The following CD226 variants were observed in gnomAD, a reference collection of about 807,000 sequenced individuals.
CD226 encodes the protein CD226 antigen.
In CD226, 24 loss-of-function variants were observed where a neutral mutation model predicts 34.9. That is an observed-to-expected ratio of 0.69 (90% CI 0.50 to 0.97). The LOEUF (loss-of-function observed/expected upper bound fraction) is 0.97, where lower values mean the gene tolerates loss of function less well. Ranked by LOEUF, CD226 falls within the 50% of genes least tolerant of loss-of-function variation. The pLI is 0.00. For missense variants in CD226, 397 were observed against 412.7 expected (o/e 0.96, Z 0.33); for synonymous variants, 148 against 147.4 (o/e 1.00, Z -0.03).
At chr18:69,954,988 T>C (rs1410378508) in intron 1 of CD226, among the ~76,000 whole-genome samples, 3 of 152,178 alleles carry the variant, frequency 2.0e-5, no homozygotes, top group Non-Finnish European at 4.4e-5. Flanking sequence ...TAAAAGAGCT[T>C]TGTCCTCAAG....
At chr18:69,957,161 C>G (rs980994122), upstream of CD226, 3 of 152,182 alleles carry the variant, frequency 2.0e-5, no homozygotes, top group East Asian at 5.8e-4. Context: ...AAAGGACGCA[C>G]TTCTCCTTTG....
At chr18:69,905,401 G>A (rs1291384054) in intron 2 of CD226, among the ~76,000 whole-genome samples, 3 of 152,168 alleles carry the variant, frequency 2.0e-5, no homozygotes, top group Non-Finnish European at 4.4e-5. Flanking sequence ...TGTTTTCCAA[G>A]TAGAAAGCAA....
chr18:69,947,208 G>T, intron 1 of CD226, 139 bp from the exon 2 acceptor site: 1 of 908,872 alleles, frequency 1.1e-6, no homozygotes, highest in Non-Finnish European at 1.7e-6. Flanking sequence ...AAGGCGTCCT[G>T]CTGATAATTG....
intron 2 of CD226, among the ~76,000 whole-genome samples, chr18:69,923,733 C>G (rs1434074214): frequency 6.6e-6 from 1 of 152,018 alleles, no homozygotes; most frequent in African/African-American, 2.4e-5. Flanking sequence ...GCGGGCGGAT[C>G]ACGAGGTCAG....
rs77044561 is a variant in CD226, at chr18:69,891,491, T to C, written c.727+4210A>G. 6.2e-3 allele frequency among the ~76,000 whole-genome samples: 942 copies of C among 152,170 alleles called. 32 individuals are homozygous for C. In the East Asian group the frequency reaches 0.093, roughly 15 times the overall value. On this transcript the variant is annotated intron_variant, in intron 3 of 5. Transcript: ENST00000582621. The stretch of plus-strand genomic sequence containing the variant: ...TACAAGAAGTCTTAATCAGAGCCAT[T>C]AAACAAGAAAAAGAAAACAAAAGGC...
intron 2 of CD226, among the ~76,000 whole-genome samples, chr18:69,941,441 G>A (rs976285741): frequency 6.6e-6 from 1 of 152,240 alleles, no homozygotes; most frequent in African/African-American, 2.4e-5. Flanking sequence ...GGGTGGAGCT[G>A]CCCAAGACCA....
Position 69,924,145 on chromosome 18 carries a change from T to C in CD226, c.382+22589A>G, listed in dbSNP as rs368586228. On this transcript the variant is annotated intron_variant, in intron 2 of 5. Transcript: ENST00000582621. ...ACCATAGACCACCGAGCCAACGTCA[T>C]AGAAGAAAATATTATGCAAAATGAG... 6.7e-4 allele frequency among the ~76,000 whole-genome samples: 101 copies of C among 151,508 alleles called. 1 individual carries two copies. The highest frequency in any genetic ancestry group is 2.4e-3 in the African/African-American group (101 of 41,266).
At chr18:69,913,699 C>A (rs1174068805) in intron 2 of CD226, among the ~76,000 whole-genome samples, 1 of 152,160 alleles carries the variant, frequency 6.6e-6, no homozygotes, top group Non-Finnish European at 1.5e-5. Flanking sequence ...GGAGAAGTCT[C>A]TGCAGGATGG....
At chr18:69,912,008 T>C (rs2055331822) in intron 2 of CD226, among the ~76,000 whole-genome samples, 1 of 152,192 alleles carries the variant, frequency 6.6e-6, no homozygotes, top group Admixed American at 6.5e-5. Flanking sequence ...TGTTTCTTTC[T>C]TTTTTTATTA....
At chr18:69,910,209 A>G (rs2055306939) in intron 2 of CD226, among the ~76,000 whole-genome samples, 1 of 152,236 alleles carries the variant, frequency 6.6e-6, no homozygotes, top group Non-Finnish European at 1.5e-5. Context: ...GAGGATGGGC[A>G]CACCTTGGAG....
At chr18:69,884,918 T>C (rs1984473149) in intron 3 of CD226, among the ~76,000 whole-genome samples, 1 of 152,332 alleles carries the variant, frequency 6.6e-6, no homozygotes, top group South Asian at 2.1e-4. Flanking sequence ...TCTTAGGAGG[T>C]TGCCTGTGAC....
In CD226 at chr18:69,918,498, C is replaced by T. The variant is rs190983053; in HGVS notation, c.383-22453G>A. Among the ~76,000 whole-genome samples the T allele has an allele frequency of 3.3e-5, 5 of 152,242 alleles. 1 individual carries two copies. Among genetic ancestry groups the T allele is most frequent in the South Asian group, 4.2e-4 (2 of 4,818 alleles). ...ACTTGAACTTGGCAGGTGGAGGTTG[C>T]GGTGAGCCGAGATTGTGCCATTGCA... On this transcript the variant is annotated intron_variant, in intron 2 of 5. Coordinates refer to ENST00000582621, the MANE Select transcript of CD226 (RefSeq NM_001303618.2).
chr18:69,946,843 C>G lies in CD226; in HGVS notation c.273G>C (p.Met91Ile). Residue 91 changes from methionine to isoleucine, a missense_variant, in exon 2 of 6, where the codon ATG becomes ATC. Met to Ile is a conservative substitution (Grantham distance 10). Coordinates refer to ENST00000582621, the MANE Select transcript of CD226 (RefSeq NM_001303618.2). ...CAGAGGCATTCCGAAAGAAAAGAGT[C>G]ATGTTATTGGAAGCCATCGTTGAAT... is the stretch of plus-strand genomic sequence containing the variant. Reference protein sequence around the residue: ...FLNSTMASNNMTLFFRNASED... With the variant: ...FLNSTMASNNITLFFRNASED... The G allele has an allele frequency of 1.9e-6, 3 of 1,614,078 alleles. No individual in the cohort carries two copies. Among genetic ancestry groups the G allele is most frequent in the Non-Finnish European group, 2.5e-6 (3 of 1,179,992 alleles).
At position 69,896,583 on chromosome 18, in the gene CD226, T is replaced by C. The variant is rs575291685; in HGVS notation, c.383-538A>G. On this transcript the variant is annotated intron_variant, in intron 2 of 5. Transcript: ENST00000582621. Reference sequence around the variant, plus strand: ...AAAAGAGGATATGATTGTTCACACATAGTTCCATAAGTGTTACTTGGTTAA... The same window carrying C: ...AAAAGAGGATATGATTGTTCACACACAGTTCCATAAGTGTTACTTGGTTAA... Among the ~76,000 whole-genome samples, 4 of 152,344 alleles carry C rather than the reference T, an allele frequency of 2.6e-5. No homozygotes were observed. The South Asian group carries it at 8.3e-4, about 32-fold the overall frequency.
chr18:69,933,693 T>G (rs2055616587), intron 2 of CD226, among the ~76,000 whole-genome samples: 1 of 152,232 alleles, frequency 6.6e-6, no homozygotes, highest in Non-Finnish European at 1.5e-5. Context: ...TCATCCTTCA[T>G]CCAATAAAGC....
intron 2 of CD226, among the ~76,000 whole-genome samples, chr18:69,927,853 C>T (rs2055542402): frequency 6.6e-6 from 1 of 152,132 alleles, no homozygotes; most frequent in African/African-American, 2.4e-5. Flanking sequence ...ACTTAGGTTG[C>T]TTCTTCTTTT....
intron 1 of CD226, among the ~76,000 whole-genome samples, chr18:69,955,629 C>T (rs756514222): frequency 1.3e-5 from 2 of 151,974 alleles, no homozygotes; most frequent in Non-Finnish European, 2.9e-5. Context: ...AAGTGAAGGC[C>T]GAGGCGGGCG....
At chr18:69,952,270 GGAA>G (rs1413336626), upstream of CD226, among the ~76,000 whole-genome samples, 3 of 152,132 alleles carry the variant, frequency 2.0e-5, no homozygotes, top group Non-Finnish European at 2.9e-5. Context: ...CTGGAGACTT[GGAA>G]GAATGGGAGA....
At chr18:69,905,970 G>A (rs2055248086) in intron 2 of CD226, among the ~76,000 whole-genome samples, 2 of 152,172 alleles carry the variant, frequency 1.3e-5, no homozygotes, top group Admixed American at 6.5e-5. Flanking sequence ...TAAGCTGTTC[G>A]ATTGCATAAG....
Sources: gnomAD v4.1 joint callset for allele counts (sites outside exome capture counted in the v4.1 genomes callset) on GRCh38, gnomAD v4.1.1 for gene constraint, MANE v1.5 for transcripts, NCBI Gene and HGNC (gene_info 2026-07-23, HGNC 2026-07-21) for gene names.